The following FBXL17 variants were observed in gnomAD, a reference collection of about 807,000 sequenced individuals.
The protein encoded by FBXL17 is F-box/LRR-repeat protein 17.
FBXL17 carries 22 observed loss-of-function variants against 66.2 expected under a neutral mutation model. The ratio of observed to expected loss-of-function variants is 0.33; its 90% confidence interval spans 0.24 to 0.47. The LOEUF (loss-of-function observed/expected upper bound fraction) is 0.47. Ranked by LOEUF, FBXL17 falls within the 20% of genes least tolerant of loss-of-function variation. FBXL17 has a pLI of 1.00. For synonymous variants in FBXL17, 474 were observed against 400.5 expected, an observed-to-expected ratio of 1.18 and a Z score of -2.19; for missense variants, 878 against 948.2, an observed-to-expected ratio of 0.93 and a Z score of 0.97.
intron 7 of FBXL17, among the ~76,000 whole-genome samples, chr5:108,015,308 G>GA (rs374015632): frequency 2.6e-5 from 4 of 151,562 alleles, no homozygotes; most frequent in South Asian, 2.1e-4. Context: ...TAATAGAATG[G>GA]AAAAAAAAGT....
At chr5:108,046,197 TTACA>T in intron 6 of FBXL17, among the ~76,000 whole-genome samples, 1 of 152,332 alleles carries the variant, frequency 6.6e-6, no homozygotes, top group African/African-American at 2.4e-5. Context: ...CCTTTTATCA[TTACA>T]TAATGTCCTT....
At chr5:108,228,013 G>C (rs1390877876) in intron 4 of FBXL17, among the ~76,000 whole-genome samples, 1 of 152,174 alleles carries the variant, frequency 6.6e-6, no homozygotes, top group East Asian at 1.9e-4. Flanking sequence ...CTCAGATGAG[G>C]ATTAAGGACA....
intron 7 of FBXL17, among the ~76,000 whole-genome samples, chr5:107,950,431 T>A (rs1020754620): frequency 1.3e-5 from 2 of 152,204 alleles, no homozygotes; most frequent in African/African-American, 4.8e-5. Flanking sequence ...AATCATTATA[T>A]AATATTCCCC....
At chr5:107,891,280 TG>T (rs1352223864) in intron 7 of FBXL17, among the ~76,000 whole-genome samples, 1 of 152,024 alleles carries the variant, frequency 6.6e-6, no homozygotes, top group African/African-American at 2.4e-5. Context: ...AGGGAGTTAA[TG>T]GAAAAGAGGG....
At chr5:107,892,408 C>T (rs1749226292) in intron 7 of FBXL17, among the ~76,000 whole-genome samples, 1 of 152,006 alleles carries the variant, frequency 6.6e-6, no homozygotes, top group Admixed American at 6.6e-5. Context: ...GATGTCTTTG[C>T]TTGGGGGAGA....
At chr5:108,202,677 G>A (rs913352210) in intron 5 of FBXL17, among the ~76,000 whole-genome samples, 1 of 152,100 alleles carries the variant, frequency 6.6e-6, no homozygotes, top group Non-Finnish European at 1.5e-5. Flanking sequence ...TCATAGCCCT[G>A]GCAGGAGGGA....
chr5:108,056,038 T>G (rs763330045), intron 6 of FBXL17, among the ~76,000 whole-genome samples: 11 of 149,808 alleles, frequency 7.3e-5, no homozygotes, highest in East Asian at 2.0e-4. Context: ...GAGGTAGCTT[T>G]CTAAAACTAT....
intron 6 of FBXL17, among the ~76,000 whole-genome samples, chr5:108,154,644 C>CACAT (rs1463541507): frequency 0.019 from 2,502 of 134,924 alleles, 45 homozygotes; most frequent in Non-Finnish European, 0.03. Flanking sequence ...CACACACACA[C>CACAT]ACACATATAT....
At chr5:108,167,105 G>A (rs1438185970) in intron 6 of FBXL17, among the ~76,000 whole-genome samples, 1 of 151,906 alleles carries the variant, frequency 6.6e-6, no homozygotes, top group Non-Finnish European at 1.5e-5. Flanking sequence ...AATGCACTTT[G>A]TCCATTTAAT....
intron 7 of FBXL17, among the ~76,000 whole-genome samples, chr5:108,000,587 A>G (rs948152807): frequency 6.6e-6 from 1 of 152,250 alleles, no homozygotes; most frequent in African/African-American, 2.4e-5. Flanking sequence ...AATAAATTTC[A>G]TAACATCCTA....
chr5:108,322,423 G>T (rs1759661946), intron 4 of FBXL17, among the ~76,000 whole-genome samples: 1 of 151,818 alleles, frequency 6.6e-6, no homozygotes, highest in African/African-American at 2.4e-5. Flanking sequence ...AAAAAAGTGT[G>T]ATGTACATAC....
chr5:107,919,679 C>A (rs1368158132), intron 7 of FBXL17, among the ~76,000 whole-genome samples: 1 of 152,182 alleles, frequency 6.6e-6, no homozygotes, highest in African/African-American at 2.4e-5. Context: ...ATCCCCAAAT[C>A]TTCATGGCTC....
At chr5:108,086,805 C>G (rs1373627854) in intron 6 of FBXL17, among the ~76,000 whole-genome samples, 1 of 152,166 alleles carries the variant, frequency 6.6e-6, no homozygotes, top group African/African-American at 2.4e-5. Context: ...AAGTGATCCA[C>G]CCGCCTCGGC....
At chr5:107,944,946 G>T (rs910745290) in intron 7 of FBXL17, among the ~76,000 whole-genome samples, 1 of 151,942 alleles carries the variant, frequency 6.6e-6, no homozygotes, top group Admixed American at 6.6e-5. Flanking sequence ...TGAAAAATTT[G>T]TTCATTGAGA....
chr5:108,151,638 T>C (rs558096072), intron 6 of FBXL17, among the ~76,000 whole-genome samples: 2 of 152,312 alleles, frequency 1.3e-5, no homozygotes, highest in South Asian at 4.1e-4. Flanking sequence ...TGGAACTTTT[T>C]GAGAAAGTAC....
At chr5:108,032,180 T>C (rs1265188643) in intron 6 of FBXL17, among the ~76,000 whole-genome samples, 1 of 152,148 alleles carries the variant, frequency 6.6e-6, no homozygotes, top group African/African-American at 2.4e-5. Flanking sequence ...ACTAGCACTC[T>C]GGGGCTTTAA....
rs890509995 is a variant in FBXL17, at chr5:108,381,721, C to A, written c.-30G>T. The A allele has an allele frequency of 1.4e-6, 2 of 1,419,224 alleles. No homozygotes were observed. Among genetic ancestry groups the A allele is most frequent in the Non-Finnish European group, 1.8e-6 (2 of 1,092,984 alleles). The allele number at this position is 1,419,224 out of a possible 1,614,324, so 87.9% of individuals were successfully genotyped here. ...AAGGCCCCGAGGAGGGGGACCGGGA[C>A]GGGAGGGAGGGAGACCCAGAGAGGC... On this transcript the variant is annotated 5_prime_UTR_variant, in exon 1 of 9. Coordinates refer to ENST00000542267, the MANE Select transcript of FBXL17 (RefSeq NM_001163315.3).
intron 4 of FBXL17, among the ~76,000 whole-genome samples, chr5:108,271,593 G>C (rs750269439): frequency 2.6e-5 from 4 of 152,200 alleles, no homozygotes; most frequent in Admixed American, 6.5e-5. Flanking sequence ...GAACATACTG[G>C]TGGATTAATA....
At chr5:107,934,858 T>G (rs1287196395) in intron 7 of FBXL17, among the ~76,000 whole-genome samples, 1 of 152,170 alleles carries the variant, frequency 6.6e-6, no homozygotes. Context: ...CATACTTTAA[T>G]GTACTTTGGA....
Sources: gnomAD v4.1 joint callset for allele counts (sites outside exome capture counted in the v4.1 genomes callset) on GRCh38, gnomAD v4.1.1 for gene constraint, MANE v1.5 for transcripts, NCBI Gene and HGNC (gene_info 2026-07-23, HGNC 2026-07-21) for gene names.